ADAM7: variants seen among roughly 807,000 people sequenced by gnomAD.
ADAM7 encodes ADAM metallopeptidase domain 7.
Under a neutral mutation model 102.9 loss-of-function variants are expected in ADAM7, and 97 were observed. That is an observed-to-expected ratio of 0.94 (90% CI 0.80 to 1.12). The LOEUF is 1.12. Ranked by LOEUF, ADAM7 falls within the 50% of genes most tolerant of loss-of-function variation. ADAM7 has a pLI of 0.00. For synonymous variants in ADAM7, 334 were observed against 304.4 expected (o/e 1.10, Z -1.01); for missense variants, 991 against 908.7 (o/e 1.09, Z -1.16).
intron 18 of ADAM7, 110 bp downstream of exon 18, chr8:24,500,366 G>T (rs1322022043): frequency 4.1e-6 from 4 of 975,310 alleles, no homozygotes; most frequent in Non-Finnish European, 6.2e-6. Context: ...ATATGGATTT[G>T]TATGGTCTTC....
Position 24,507,522 on chromosome 8 carries a change from CAA to C in ADAM7, c.2253_2254del (p.Ser752CysfsTer30). Reference protein sequence around the residue: ...KDSRGIADPNQSAK With the variant: ...KDSRGIADPNXSAK The stretch of plus-strand genomic sequence containing the variant: ...TTCAAGAGGAATCGCAGATCCCAAT[CAA>C]AGTGCCAAGTGGTAGGTTACCCTGA... On this transcript the variant is annotated frameshift_variant, in exon 21 of 22. Transcript: ENST00000175238. LOFTEE classifies it high-confidence loss of function. The C allele has an allele frequency of 6.2e-7, 1 of 1,612,306 alleles. No homozygotes were observed.
chr8:24,448,731 C>T (rs1818660737), intron 3 of ADAM7, among the ~76,000 whole-genome samples: 1 of 151,746 alleles, frequency 6.6e-6, no homozygotes, highest in South Asian at 2.1e-4. Context: ...GGTTAGTTTA[C>T]ATGGGCCATG....
intron 16 of ADAM7, among the ~76,000 whole-genome samples, chr8:24,498,259 T>C (rs1214257438): frequency 6.6e-6 from 1 of 151,742 alleles, no homozygotes; most frequent in East Asian, 1.9e-4. Context: ...GACAATGTAG[T>C]ATCTGATTTA....
At chr8:24,499,905 A>G (rs952803797) in intron 17 of ADAM7, among the ~76,000 whole-genome samples, 3 of 152,058 alleles carry the variant, frequency 2.0e-5, no homozygotes, top group African/African-American at 7.2e-5. Context: ...TTACCTGGAA[A>G]GATAAATCAT....
At chr8:24,443,939 AAAAATAAAATAAAATAAAATAAAAT>A (rs144352481) in intron 2 of ADAM7, among the ~76,000 whole-genome samples, 2 of 145,578 alleles carry the variant, frequency 1.4e-5, no homozygotes, top group Non-Finnish European at 3.0e-5. Flanking sequence ...CTCAAAAAAT[AAAAATAAAATAAAATAAAATAAAAT>A]AAAATAAAAT....
At chr8:24,461,087 G>A (rs751528881) in intron 3 of ADAM7, among the ~76,000 whole-genome samples, 1 of 151,866 alleles carries the variant, frequency 6.6e-6, no homozygotes, top group Non-Finnish European at 1.5e-5. Context: ...CCACCTTCTG[G>A]GTTCACGCCA....
Sources: allele counts gnomAD v4.1 joint callset (sites outside exome capture counted in the v4.1 genomes callset), GRCh38; gene constraint gnomAD v4.1.1; transcripts MANE v1.5; gene names NCBI Gene and HGNC (gene_info 2026-07-23, HGNC 2026-07-21).